ACTR1B: variants seen among roughly 807,000 people sequenced by gnomAD.
ACTR1B encodes the protein actin related protein 1B.
A neutral mutation model predicts 49.4 loss-of-function variants in ACTR1B; 34 were observed. The ratio of observed to expected loss-of-function variants is 0.69; its 90% CI spans 0.52 to 0.92. The LOEUF (loss-of-function observed/expected upper bound fraction) is 0.92. Ranked by LOEUF, ACTR1B falls within the 40% of genes least tolerant of loss-of-function variation. The pLI is 0.00. For synonymous variants in ACTR1B, 207 were observed against 207.8 expected, an observed-to-expected ratio of 1.00 and a Z score of 0.03; for missense variants, 471 against 522.4, an observed-to-expected ratio of 0.90 and a Z score of 0.96.
At position 97,658,614 on chromosome 2, in the gene ACTR1B, A is replaced by C; in HGVS notation, c.470T>G (p.Val157Gly). 1 of 1,613,718 alleles carries C rather than the reference A, an allele frequency of 6.2e-7. No homozygotes were observed. The highest frequency in any genetic ancestry group is 8.5e-7 in the Non-Finnish European group (1 of 1,179,922). Residue 157 changes from valine to glycine, a missense_variant, in exon 6 of 11, where the codon GTT becomes GGT. By Grantham distance (109) the Val-to-Gly change is moderately radical (BLOSUM62 -3). Transcript: ENST00000289228. The surrounding 1 kb of genome is among the most constrained non-coding windows in gnomAD (Gnocchi z 5.9). ...AGTGACCCCGTCCCCTGAGTCTAGA[A>C]CCACTCCTGTCGTGCGTCCTGTTGC... ...LYATGRTTGV[V>G]LDSGDGVTHA...
In ACTR1B at chr2:97,659,084, C is replaced by A. The variant is rs769282852; in HGVS notation, c.316-81G>T. ...AAGGCTCTTTCCAGAGAACCACACC[C>A]GCTGGCGCACAGGCAGCTCAGCCTC... On this transcript the variant is annotated intron_variant, in intron 4 of 10. Coordinates refer to ENST00000289228, the MANE Select transcript of ACTR1B (RefSeq NM_005735.4). The surrounding 1 kb of genome is among the most constrained non-coding windows in gnomAD (Gnocchi z 4.0). 1 of 1,595,754 alleles carries A rather than the reference C, an allele frequency of 6.3e-7. No homozygotes were observed. The highest frequency in any genetic ancestry group is 8.6e-7 in the Non-Finnish European group (1 of 1,168,404).
rs889779271 is a variant in ACTR1B at position 97,662,079 on chromosome 2, A to T, written c.49-133T>A. On this transcript the variant is annotated intron_variant, in intron 1 of 10. Transcript: ENST00000289228. ...CAGGGACCCTGCCAGGATCATTTACAAGTACACCTATGGTTCAAGATTGGG... is the reference window on the plus strand; with the variant it reads ...CAGGGACCCTGCCAGGATCATTTACTAGTACACCTATGGTTCAAGATTGGG... 2.1e-5 allele frequency: 18 copies of T among 848,018 alleles called. No individual in the cohort carries two copies. In the African/African-American group the frequency reaches 2.9e-4, roughly 14 times the overall value. 52.5% of individuals were successfully genotyped at this position (848,018 alleles called of 1,614,324 possible). A position where few individuals can be genotyped will look rare whatever the true frequency, so the allele number is the denominator to read the frequency against.
In ACTR1B at chr2:97,659,447, G is replaced by T; in HGVS notation, c.220C>A (p.Pro74Thr). ...TCTCGCACCACGCCGTGCTCCATGGGGTAGCGGATGGTCAGCAGCCCCCGG... is the reference window on the plus strand; with the variant it reads ...TCTCGCACCACGCCGTGCTCCATGGTGTAGCGGATGGTCAGCAGCCCCCGG... ...EHRGLLTIRY[P>T]MEHGVVRDWN... Residue 74 changes from proline to threonine, a missense_variant, in exon 4 of 11, where the codon CCC (proline) becomes ACC (threonine). By Grantham distance (38) the Pro-to-Thr change is conservative. Coordinates refer to ENST00000289228, the MANE Select transcript of ACTR1B (RefSeq NM_005735.4). The surrounding 1 kb of genome is among the most constrained non-coding windows in gnomAD (Gnocchi z 4.0). 1 of 1,613,926 alleles carries T rather than the reference G, an allele frequency of 6.2e-7. No homozygotes were observed. Among genetic ancestry groups the T allele is most frequent in the Non-Finnish European group, 8.5e-7 (1 of 1,179,992 alleles).
At position 97,658,928 on chromosome 2, in the gene ACTR1B, T is replaced by G; in HGVS notation, c.391A>C (p.Thr131Pro). The G allele has an allele frequency of 6.2e-7, 1 of 1,613,902 alleles. No individual in the cohort carries two copies. The highest frequency in any genetic ancestry group is 1.3e-5 in the African/African-American group (1 of 74,910). Residue 131 changes from threonine to proline, a missense_variant, in exon 5 of 11, where the codon ACC (threonine) becomes CCC (proline). Transcript: ENST00000289228. This position sits in a 1 kb window ranked among gnomAD's most constrained non-coding sequence, Gnocchi z 5.9. ...REKAAEVFFE[T>P]FNVPALFISM... is the part of the protein sequence containing the mutation. ...ATGAACAGGGCCGGCACGTTGAAGG[T>G]CTCAAAGAACACCTCTGCCGCCTTC...
rs994981448 is a variant in ACTR1B at position 97,659,626 on chromosome 2, T to TGGCG, written c.190-153_190-150dup. On this transcript the variant is annotated intron_variant, in intron 3 of 10. Transcript: ENST00000289228. The surrounding 1 kb of genome is among the most constrained non-coding windows in gnomAD (Gnocchi z 4.0). ...TGCTCACTGGGTGTCCCAGGGTCTG[T>TGGCG]GGCGGGTCCTGAACTCAGCATGGGC... 8.8e-5 allele frequency: 108 copies of TGGCG among 1,233,384 alleles called. No individual in the cohort carries two copies. The African/African-American group carries it at 1.5e-3, about 17-fold the overall frequency. 76.4% of individuals were successfully genotyped at this position (1,233,384 alleles called of 1,614,324 possible).
intron 2 of ACTR1B, 121 bp from the exon 3 acceptor site, chr2:97,660,767 G>GCCACATC: frequency 1.0e-6 from 1 of 954,578 alleles, no homozygotes; most frequent in Non-Finnish European, 1.7e-6. Flanking sequence ...CCAGGATGTG[G>GCCACATC]CTGGGGGGCA....
chr2:97,658,090 C>T lies in ACTR1B; in HGVS notation c.778G>A (p.Glu260Lys), dbSNP rs763325139. 16 of 1,614,034 alleles carry T rather than the reference C, an allele frequency of 9.9e-6. No individual in the cohort carries two copies. Among genetic ancestry groups the T allele is most frequent in the Non-Finnish European group, 1.4e-5 (16 of 1,180,022 alleles). The change falls in exon 8 of 11, where the codon GAG (glutamate) becomes AAG (lysine). Residue 260 changes from glutamate to lysine, a missense_variant. Physicochemically the swap from Glu to Lys is moderately conservative, Grantham distance 56. Transcript: ENST00000289228. This position sits in a 1 kb window ranked among gnomAD's most constrained non-coding sequence, Gnocchi z 5.9. Reference protein sequence around the residue: ...DVGPARFRAPELLFQPDLVGD... With the variant: ...DVGPARFRAPKLLFQPDLVGD... ...ACAAGGTCCGGCTGGAACAGCAGCT[C>T]GGGGGCCCGGAATCGTGCAGGCCCC...
In ACTR1B at chr2:97,658,023, G is replaced by C; in HGVS notation, c.845C>G (p.Ala282Gly). Residue 282 changes from alanine to glycine, a missense_variant, in exon 8 of 11, where the codon GCC (alanine) becomes GGC (glycine). Transcript: ENST00000289228. The surrounding 1 kb of genome is among the most constrained non-coding windows in gnomAD (Gnocchi z 5.9). Reference protein sequence around the residue: ...SEGLHEVVAFAIHKSDMDLRR... With the variant: ...SEGLHEVVAFGIHKSDMDLRR... Reference sequence around the variant, plus strand: ...CAGGTCCATGTCGGACTTGTGTATGGCGAAGGCCACCACCTCATGGAGCCC... The same window carrying C: ...CAGGTCCATGTCGGACTTGTGTATGCCGAAGGCCACCACCTCATGGAGCCC... 6.2e-7 allele frequency: 1 copy of C among 1,614,154 alleles called. No individual in the cohort carries two copies. The highest frequency in any genetic ancestry group is 8.5e-7 in the Non-Finnish European group (1 of 1,180,042).
In ACTR1B at chr2:97,662,050, A is replaced by T. The variant is rs1675024079; in HGVS notation, c.49-104T>A. ...GCCCCGTCAAGGCAGGCCAAGGAGG[A>T]AGCCAGGGACCCTGCCAGGATCATT... On this transcript the variant is annotated intron_variant, in intron 1 of 10. Transcript: ENST00000289228. The T allele has an allele frequency of 2.0e-5, 23 of 1,167,038 alleles. No individual in the cohort carries two copies. The South Asian group carries it at 2.5e-4, about 13-fold the overall frequency. 72.3% of individuals were successfully genotyped at this position (1,167,038 alleles called of 1,614,324 possible).
At chr2:97,657,749 T>C (rs1674882041) in intron 8 of ACTR1B, among the ~76,000 whole-genome samples, 194 bp downstream of exon 8, 1 of 152,256 alleles carries the variant, frequency 6.6e-6, no homozygotes, top group Non-Finnish European at 1.5e-5. Context: ...CAATACACTT[T>C]AGAGCTTGTG....
In ACTR1B at chr2:97,659,326, G is replaced by A. The variant is rs1434579543; in HGVS notation, c.315+26C>T. On this transcript the variant is annotated intron_variant, in intron 4 of 10. Transcript: ENST00000289228. The surrounding 1 kb of genome is among the most constrained non-coding windows in gnomAD (Gnocchi z 4.0). ...AGGGGCATGGCCAGGAGAATGCAGAGCATGCAGGAGGGGCAGCCGCCACAC... is the reference window on the plus strand; with the variant it reads ...AGGGGCATGGCCAGGAGAATGCAGAACATGCAGGAGGGGCAGCCGCCACAC... The A allele has an allele frequency of 1.2e-6, 2 of 1,613,374 alleles. No individual in the cohort carries two copies. The highest frequency in any genetic ancestry group is 2.7e-5 in the African/African-American group (2 of 74,916).
intron 8 of ACTR1B, 114 bp downstream of exon 8, chr2:97,657,829 C>A: frequency 7.6e-7 from 1 of 1,311,096 alleles, no homozygotes. Context: ...AAAAAATGTT[C>A]ATTGAGCACC....
rs563589194 is a variant in ACTR1B, at chr2:97,657,349, G to A, written c.987+99C>T. ...TTGGGAAGAACAGGACTAGGTGGAC[G>A]TGAGCTGGTGAGCGGGTCTGGGGGC... On this transcript the variant is annotated intron_variant, in intron 9 of 10. Transcript: ENST00000289228. 371 of 1,486,800 alleles carry A rather than the reference G, an allele frequency of 2.5e-4. 1 individual carries two copies. The highest frequency in any genetic ancestry group is 3.1e-4 in the Non-Finnish European group (332 of 1,065,170). 92.1% of individuals were successfully genotyped at this position (1,486,800 alleles called of 1,614,324 possible).
chr2:97,659,644 G>T lies in ACTR1B; in HGVS notation c.190-167C>A. The T allele has an allele frequency of 2.0e-6, 2 of 985,720 alleles. No homozygotes were observed. The highest frequency in any genetic ancestry group is 3.0e-6 in the Non-Finnish European group (2 of 676,896). The allele number at this position is 985,720 out of a possible 1,614,324, so 61.1% of individuals were successfully genotyped here. A position where few individuals can be genotyped will look rare whatever the true frequency, so the allele number is the denominator to read the frequency against. On this transcript the variant is annotated intron_variant, in intron 3 of 10. Transcript: ENST00000289228. This position sits in a 1 kb window ranked among gnomAD's most constrained non-coding sequence, Gnocchi z 4.0. Reference sequence around the variant, plus strand: ...GGGTCTGTGGCGGGTCCTGAACTCAGCATGGGCTCACCTGCCCACCAGCTT... The same window carrying T: ...GGGTCTGTGGCGGGTCCTGAACTCATCATGGGCTCACCTGCCCACCAGCTT...
At position 97,659,606 on chromosome 2, in the gene ACTR1B, A is replaced by C. The variant is rs1307377011; in HGVS notation, c.190-129T>G. 11 of 1,312,896 alleles carry C rather than the reference A, an allele frequency of 8.4e-6. No individual in the cohort carries two copies. The highest frequency in any genetic ancestry group is 1.2e-5 in the Non-Finnish European group (11 of 945,262). 81.3% of individuals were successfully genotyped at this position (1,312,896 alleles called of 1,614,324 possible). On this transcript the variant is annotated intron_variant, in intron 3 of 10. Coordinates refer to ENST00000289228, the MANE Select transcript of ACTR1B (RefSeq NM_005735.4). The surrounding 1 kb of genome is among the most constrained non-coding windows in gnomAD (Gnocchi z 4.0). The stretch of plus-strand genomic sequence containing the variant: ...GCCCTGACCAGAACCACCCCTGCTC[A>C]CTGGGTGTCCCAGGGTCTGTGGCGG...
chr2:97,657,301 G>A (rs1352107407), intron 9 of ACTR1B, 109 bp from the exon 10 acceptor site: 8 of 1,519,980 alleles, frequency 5.3e-6, no homozygotes, highest in Non-Finnish European at 6.4e-6. Flanking sequence ...AAAGGCATAA[G>A]CTGGGGAGTG....
rs1187292357 is a variant in ACTR1B, at chr2:97,658,682, G to A, written c.441-39C>T. On this transcript the variant is annotated intron_variant, in intron 5 of 10. Coordinates refer to ENST00000289228, the MANE Select transcript of ACTR1B (RefSeq NM_005735.4). This position sits in a 1 kb window ranked among gnomAD's most constrained non-coding sequence, Gnocchi z 5.9. ...AGCATCCCCTCACCTCAGCCACTGA[G>A]GCACGGGGACCTCCTCACCCAGGGG... The A allele has an allele frequency of 6.2e-7, 1 of 1,609,694 alleles. No individual in the cohort carries two copies. The highest frequency in any genetic ancestry group is 1.1e-5 in the South Asian group (1 of 91,002).
At position 97,659,816 on chromosome 2, in the gene ACTR1B, G is replaced by A; in HGVS notation, c.190-339C>T. 2.8e-6 allele frequency: 1 copy of A among 357,484 alleles called. No individual in the cohort carries two copies. The highest frequency in any genetic ancestry group is 2.1e-5 in the African/African-American group (1 of 47,518). The allele number at this position is 357,484 out of a possible 1,614,324, so 22.1% of individuals were successfully genotyped here. On this transcript the variant is annotated intron_variant, in intron 3 of 10. Coordinates refer to ENST00000289228, the MANE Select transcript of ACTR1B (RefSeq NM_005735.4). This position sits in a 1 kb window ranked among gnomAD's most constrained non-coding sequence, Gnocchi z 4.0. Reference sequence around the variant, plus strand: ...CTCACACTCTGCCAGCTCCCCTCTGGCCAGCGCCGGCACCTTGCAGCCGCC... The same window carrying A: ...CTCACACTCTGCCAGCTCCCCTCTGACCAGCGCCGGCACCTTGCAGCCGCC...
At position 97,656,776 on chromosome 2, in the gene ACTR1B, A is replaced by G. The variant is rs1165367183; in HGVS notation, c.*82T>C. The G allele has an allele frequency of 1.1e-5, 13 of 1,192,810 alleles. No homozygotes were observed. Among genetic ancestry groups the G allele is most frequent in the Admixed American group, 4.0e-5 (2 of 50,366 alleles). The allele number at this position is 1,192,810 out of a possible 1,614,324, so 73.9% of individuals were successfully genotyped here. A position where few individuals can be genotyped will look rare whatever the true frequency, so the allele number is the denominator to read the frequency against. On this transcript the variant is annotated 3_prime_UTR_variant, in exon 11 of 11. Transcript: ENST00000289228. ...GCATGCAGGGGACCCTAAGCCTAGT[A>G]TACGAGCCAAGACCAAAAAGGGTTA...
Sources: allele counts gnomAD v4.1 joint callset (sites outside exome capture counted in the v4.1 genomes callset), GRCh38; gene constraint gnomAD v4.1.1; non-coding constraint Gnocchi (gnomAD v3.1); transcripts MANE v1.5; gene names NCBI Gene and HGNC (gene_info 2026-07-23, HGNC 2026-07-21).